The following CCT6B variants were observed in gnomAD, a reference collection of about 807,000 sequenced individuals.
CCT6B encodes probable T-complex protein 1 subunit zeta-2.
A neutral mutation model predicts 61.5 loss-of-function variants in CCT6B; 49 were observed. The ratio of observed to expected loss-of-function variants is 0.80; its 90% CI spans 0.63 to 1.01. The LOEUF (loss-of-function observed/expected upper bound fraction) is 1.01, where lower values mean the gene tolerates loss of function less well. Ranked by LOEUF, CCT6B falls within the 50% of genes least tolerant of loss-of-function variation. The pLI is 0.00. For missense variants in CCT6B, 666 were observed against 634.7 expected (o/e 1.05, Z -0.53); for synonymous variants, 228 against 214.5 (o/e 1.06, Z -0.55).
chr17:34,950,017 T>G (rs1567671020), intron 5 of CCT6B, among the ~76,000 whole-genome samples: 2 of 152,184 alleles, frequency 1.3e-5, no homozygotes, highest in Non-Finnish European at 1.5e-5. Context: ...ATAAAGCAAG[T>G]GTCAACAAAT....
chr17:34,928,121 A>G lies in CCT6B; in HGVS notation c.1524-4T>C. 6.2e-7 allele frequency: 1 copy of G among 1,607,652 alleles called. No homozygotes were observed. Among genetic ancestry groups the G allele is most frequent in the East Asian group, 2.2e-5 (1 of 44,638 alleles). The stretch of plus-strand genomic sequence containing the variant: ...AATGTTGGTGGCAATCACTGTGCTA[A>G]GGAAAAAGATGAGAGGGTGAGTAAA... On this transcript the variant is annotated splice_polypyrimidine_tract_variant and splice_region_variant and intron_variant, in intron 13 of 13. Transcript: ENST00000314144.
chr17:34,949,121 A>G (rs1448405838), intron 5 of CCT6B, among the ~76,000 whole-genome samples: 2 of 150,816 alleles, frequency 1.3e-5, no homozygotes, highest in Non-Finnish European at 3.0e-5. Context: ...AAGAAAAGAA[A>G]AGGAGAAAAG....
chr17:34,927,948 A>C lies in CCT6B; in HGVS notation c.*100T>G. 1.4e-6 allele frequency: 1 copy of C among 739,116 alleles called. No individual in the cohort carries two copies. Among genetic ancestry groups the C allele is most frequent in the Non-Finnish European group, 2.2e-6 (1 of 456,374 alleles). The allele number at this position is 739,116 out of a possible 1,614,324, so 45.8% of individuals were successfully genotyped here. ...GACCCAAAAGACATAAACTGCATTT[A>C]TTGTGTAGAAATTCAGAATGGCTCA... On this transcript the variant is annotated 3_prime_UTR_variant, in exon 14 of 14. Transcript: ENST00000314144.
chr17:34,948,896 A>G (rs890808381), intron 5 of CCT6B, among the ~76,000 whole-genome samples: 1 of 151,548 alleles, frequency 6.6e-6, no homozygotes, highest in African/African-American at 2.4e-5. Flanking sequence ...TTAGCCAGAC[A>G]TGGTGGCGCA....
Position 34,958,543 on chromosome 17 carries a change from CTG to C in CCT6B, c.336+15_336+16del. The stretch of plus-strand genomic sequence containing the variant: ...TTTGCCATTCAAAATAACATATAAA[CTG>C]TGAAATTCTAATACCTCAGAAATGT... On this transcript the variant is annotated intron_variant, in intron 3 of 13. Transcript: ENST00000314144. 1 of 1,461,120 alleles carries C rather than the reference CTG, an allele frequency of 6.8e-7. No individual in the cohort carries two copies. 90.5% of individuals were successfully genotyped at this position (1,461,120 alleles called of 1,614,324 possible).
At position 34,934,886 on chromosome 17, in the gene CCT6B, A is replaced by G. The variant is rs2090077078; in HGVS notation, c.1214-2386T>C. On this transcript the variant is annotated intron_variant, in intron 10 of 13. Coordinates refer to ENST00000314144, the MANE Select transcript of CCT6B (RefSeq NM_006584.4). ...TTACAAGAAAAAATATACACAGACC[A>G]ATACCCCTTATGAATACATATGTAA... is the stretch of plus-strand genomic sequence containing the variant. 2.0e-5 allele frequency among the ~76,000 whole-genome samples: 3 copies of G among 152,234 alleles called. No individual in the cohort carries two copies. The South Asian group carries it at 6.2e-4, about 31-fold the overall frequency.
intron 12 of CCT6B, 50 bp from the exon 13 acceptor site, chr17:34,929,084 A>C: frequency 9.5e-7 from 1 of 1,050,888 alleles, no homozygotes; most frequent in Non-Finnish European, 1.4e-6. Context: ...TTTGCTATTA[A>C]TATTAATTGA....
rs2090002159 is a variant in CCT6B, at chr17:34,928,977, T to C, written c.1508A>G (p.Gln503Arg). 1 of 1,599,106 alleles carries C rather than the reference T, an allele frequency of 6.3e-7. No homozygotes were observed. The highest frequency in any genetic ancestry group is 1.7e-5 in the Admixed American group (1 of 59,954). ...GVWDNYCVKKQLLHSCTVIAT... is the reference protein window; with the variant it reads ...GVWDNYCVKKRLLHSCTVIAT... ...ATGAACTTACCAAGAGTGAAGAAGT[T>C]GTTTTTTTACACAATAATTATCCCA... The change falls in exon 13 of 14, where the codon CAA becomes CGA. Residue 503 changes from glutamine (Q) to arginine (R), a missense_variant. Gln to Arg is a conservative substitution (Grantham distance 43). Coordinates refer to ENST00000314144, the MANE Select transcript of CCT6B (RefSeq NM_006584.4).
intron 1 of CCT6B, among the ~76,000 whole-genome samples, chr17:34,959,855 CTATT>C (rs1250004523): frequency 2.0e-5 from 3 of 152,140 alleles, no homozygotes; most frequent in African/African-American, 7.2e-5. Context: ...TCCAAATGGA[CTATT>C]TACAGGTTTA....
At chr17:34,952,399 T>C (rs2142173134) in intron 4 of CCT6B, among the ~76,000 whole-genome samples, 1 of 152,314 alleles carries the variant, frequency 6.6e-6, no homozygotes, top group African/African-American at 2.4e-5. Context: ...GCGACTACTC[T>C]TTCTATCATA....
intron 10 of CCT6B, among the ~76,000 whole-genome samples, chr17:34,938,129 A>T (rs1369161049): frequency 6.6e-6 from 1 of 151,992 alleles, no homozygotes; most frequent in Non-Finnish European, 1.5e-5. Flanking sequence ...GGCTCAAGCA[A>T]TCCTCCCATC....
At chr17:34,937,827 T>C (rs567151245) in intron 10 of CCT6B, among the ~76,000 whole-genome samples, 21 of 151,986 alleles carry the variant, frequency 1.4e-4, no homozygotes, top group African/African-American at 4.8e-4. Context: ...CCAAATTATA[T>C]ACAAAGAACT....
chr17:34,951,573 A>G (rs2142171544), intron 5 of CCT6B, among the ~76,000 whole-genome samples: 1 of 152,240 alleles, frequency 6.6e-6, no homozygotes, highest in Non-Finnish European at 1.5e-5. Context: ...CACTGTAACA[A>G]CCTAGTCACA....
intron 5 of CCT6B, among the ~76,000 whole-genome samples, chr17:34,948,713 T>TAA (rs1555550225): frequency 2.7e-5 from 2 of 75,340 alleles, no homozygotes; most frequent in Admixed American, 1.7e-4. Flanking sequence ...AAACTCCATC[T>TAA]AAAAAAAAAA....
At chr17:34,947,955 G>A (rs1292037346) in intron 5 of CCT6B, among the ~76,000 whole-genome samples, 2 of 146,578 alleles carry the variant, frequency 1.4e-5, no homozygotes, top group Non-Finnish European at 3.0e-5. Context: ...CCAGCCTGGT[G>A]ACAGAGTGAC....
Position 34,954,587 on chromosome 17 carries a change from T to C in CCT6B, c.349A>G (p.Arg117Gly), listed in dbSNP as rs2090328340. 5 of 1,612,890 alleles carry C rather than the reference T, an allele frequency of 3.1e-6. No individual in the cohort carries two copies. The highest frequency in any genetic ancestry group is 1.7e-4 in the Middle Eastern group (1 of 6,060). ...GCTTCAAATCCTTCAGCTATTATTCTAGGGTGCAGGCCCTGTTACATCAAC... is the reference window on the plus strand; with the variant it reads ...GCTTCAAATCCTTCAGCTATTATTCCAGGGTGCAGGCCCTGTTACATCAAC... ...DLYISEGLHP[R>G]IIAEGFEAAK... is the part of the protein sequence containing the mutation. Residue 117 changes from arginine to glycine, a missense_variant, in exon 4 of 14, where the codon AGA (arginine) becomes GGA (glycine). Transcript: ENST00000314144.
At chr17:34,934,366 GC>G (rs2090071553) in intron 10 of CCT6B, among the ~76,000 whole-genome samples, 1 of 152,088 alleles carries the variant, frequency 6.6e-6, no homozygotes, top group Admixed American at 6.6e-5. Flanking sequence ...TAAACTTTCT[GC>G]AAAAGGCCAG....
chr17:34,944,085 G>C (rs1420236780), intron 5 of CCT6B: 1 of 151,936 alleles, frequency 6.6e-6, no homozygotes, highest in East Asian at 1.9e-4. Flanking sequence ...ACTTTAACTA[G>C]ATTACTCCAC....
chr17:34,961,423 A>G lies in CCT6B; in HGVS notation c.-30T>C. ...TAACCGTTCAGAGGGAGAAAAAAAAAAAGCCTTAGTCGCGATTCTGAGCAA... is the reference window on the plus strand; with the variant it reads ...TAACCGTTCAGAGGGAGAAAAAAAAGAAGCCTTAGTCGCGATTCTGAGCAA... On this transcript the variant is annotated 5_prime_UTR_variant, in exon 1 of 14. Coordinates refer to ENST00000314144, the MANE Select transcript of CCT6B (RefSeq NM_006584.4). 8 of 1,568,266 alleles carry G rather than the reference A, an allele frequency of 5.1e-6. No homozygotes were observed. The South Asian group carries it at 8.3e-5, about 16-fold the overall frequency.
Sources: gnomAD v4.1 joint callset for allele counts (sites outside exome capture counted in the v4.1 genomes callset) on GRCh38, gnomAD v4.1.1 for gene constraint, MANE v1.5 for transcripts, NCBI Gene and HGNC (gene_info 2026-07-23, HGNC 2026-07-21) for gene names.